The following SGCZ variants were observed in gnomAD, a reference collection of about 807,000 sequenced individuals.
SGCZ encodes zeta-sarcoglycan.
A neutral mutation model predicts 41.3 loss-of-function variants in SGCZ; 40 were observed. That is an observed-to-expected ratio of 0.97 (90% CI 0.75 to 1.26). The LOEUF is 1.26. Among genes scored for constraint, SGCZ ranks in the 50% most tolerant of loss-of-function variants. The probability of loss-of-function intolerance (pLI) is 0.00; values close to 1 mark genes in which losing one functional copy is unlikely to be tolerated. For missense variants in SGCZ, 552 were observed against 369.8 expected, an observed-to-expected ratio of 1.49 and a Z score of -4.04; for synonymous variants, 206 against 137.5, an observed-to-expected ratio of 1.50 and a Z score of -3.49.
chr8:14,487,493 A>G (rs1476532988), intron 2 of SGCZ, among the ~76,000 whole-genome samples: 4 of 134,816 alleles, frequency 3.0e-5, no homozygotes, highest in African/African-American at 1.1e-4. Context: ...TTTGTGCTAT[A>G]CTGTTCCTTC....
intron 1 of SGCZ, among the ~76,000 whole-genome samples, chr8:14,869,958 T>A (rs906264405): frequency 6.6e-6 from 1 of 152,212 alleles, no homozygotes; most frequent in Non-Finnish European, 1.5e-5. Context: ...AAATATTCCA[T>A]GCTCATGGAT....
chr8:14,882,678 G>A (rs1332858025), intron 1 of SGCZ, among the ~76,000 whole-genome samples: 1 of 152,046 alleles, frequency 6.6e-6, no homozygotes, highest in African/African-American at 2.4e-5. Context: ...AAATCCCATT[G>A]TTTGATTACG....
chr8:14,777,119 T>G (rs1800428330), intron 1 of SGCZ, among the ~76,000 whole-genome samples: 1 of 152,186 alleles, frequency 6.6e-6, no homozygotes, highest in Admixed American at 6.5e-5. Context: ...CACTCTGGCT[T>G]AAATTTAGTA....
intron 1 of SGCZ, among the ~76,000 whole-genome samples, chr8:14,916,892 A>C (rs1051919937): frequency 6.6e-6 from 1 of 152,116 alleles, no homozygotes; most frequent in Non-Finnish European, 1.5e-5. Context: ...GTTATTTATG[A>C]ATTTTTTTTG....
At chr8:15,082,396 A>C (rs575615473) in intron 1 of SGCZ, among the ~76,000 whole-genome samples, 1 of 149,780 alleles carries the variant, frequency 6.7e-6, no homozygotes, top group African/African-American at 2.4e-5. Context: ...ATATATATAT[A>C]CACACATATA....
At chr8:14,125,372 C>T (rs572321969) in intron 5 of SGCZ, among the ~76,000 whole-genome samples, 76 of 151,892 alleles carry the variant, frequency 5.0e-4, no homozygotes, top group African/African-American at 1.4e-3. Flanking sequence ...CGTATGGTGG[C>T]GGGCGCCTGT....
chr8:14,950,244 G>A (rs1800589099), intron 1 of SGCZ, among the ~76,000 whole-genome samples: 1 of 151,954 alleles, frequency 6.6e-6, no homozygotes, highest in Non-Finnish European at 1.5e-5. Flanking sequence ...GGTCTTTACG[G>A]GAAACAATAA....
At chr8:14,350,343 A>G (rs900420761) in intron 2 of SGCZ, among the ~76,000 whole-genome samples, 1 of 152,090 alleles carries the variant, frequency 6.6e-6, no homozygotes, top group Non-Finnish European at 1.5e-5. Context: ...TAATCTTAAG[A>G]AGCAAATATA....
chr8:15,075,344 C>T (rs1805492010), intron 1 of SGCZ, among the ~76,000 whole-genome samples: 1 of 152,062 alleles, frequency 6.6e-6, no homozygotes, highest in Admixed American at 6.5e-5. Flanking sequence ...TTTAAATTCC[C>T]AAATGGCATT....
chr8:15,068,871 G>T (rs1805249148), intron 1 of SGCZ, among the ~76,000 whole-genome samples: 1 of 152,122 alleles, frequency 6.6e-6, no homozygotes, highest in Non-Finnish European at 1.5e-5. Flanking sequence ...ATTTATTTGA[G>T]TCCAACATTT....
chr8:14,154,106 C>A (rs1043973392), intron 5 of SGCZ, among the ~76,000 whole-genome samples: 26 of 152,124 alleles, frequency 1.7e-4, no homozygotes, highest in African/African-American at 6.0e-4. Context: ...CCCGGTGGCT[C>A]ATGCCTGTAA....
At chr8:14,255,351 G>A (rs374918064) in intron 3 of SGCZ, among the ~76,000 whole-genome samples, 3 of 152,182 alleles carry the variant, frequency 2.0e-5, no homozygotes, top group African/African-American at 7.2e-5. Flanking sequence ...CTGCTCATTC[G>A]AAGATGTTTT....
At chr8:15,217,979 G>A (rs1742730970) in intron 1 of SGCZ, among the ~76,000 whole-genome samples, 1 of 152,066 alleles carries the variant, frequency 6.6e-6, no homozygotes, top group South Asian at 2.1e-4. Context: ...CCAGCTGCTG[G>A]GGAGGCCGAG....
intron 4 of SGCZ, among the ~76,000 whole-genome samples, chr8:14,181,013 C>T (rs1804706666): frequency 6.6e-6 from 1 of 152,112 alleles, no homozygotes; most frequent in Non-Finnish European, 1.5e-5. Flanking sequence ...AGAGTCGATA[C>T]CGTTTGCAAG....
At chr8:14,787,821 G>A (rs906334787) in intron 1 of SGCZ, among the ~76,000 whole-genome samples, 9 of 151,792 alleles carry the variant, frequency 5.9e-5, no homozygotes, top group African/African-American at 2.2e-4. Flanking sequence ...ACTCCAGCCT[G>A]GACAACAACA....
intron 3 of SGCZ, among the ~76,000 whole-genome samples, chr8:14,291,391 G>C (rs1173062718): frequency 6.6e-6 from 1 of 151,976 alleles, no homozygotes; most frequent in Non-Finnish European, 1.5e-5. Context: ...TATACATGTA[G>C]TAGTGCATAA....
chr8:15,169,891 G>A (rs748777759), intron 1 of SGCZ, among the ~76,000 whole-genome samples: 56 of 152,228 alleles, frequency 3.7e-4, no homozygotes, highest in Non-Finnish European at 6.3e-4. Flanking sequence ...ACCATACCTA[G>A]GATTTAAGTA....
intron 2 of SGCZ, among the ~76,000 whole-genome samples, chr8:14,454,724 C>A (rs1379008210): frequency 1.3e-5 from 2 of 152,132 alleles, no homozygotes; most frequent in Non-Finnish European, 2.9e-5. Context: ...TCTAAGAAGA[C>A]TCATGTGCAA....
chr8:14,298,021 G>T (rs1245813004), intron 3 of SGCZ, among the ~76,000 whole-genome samples: 1 of 151,846 alleles, frequency 6.6e-6, no homozygotes, highest in African/African-American at 2.4e-5. Context: ...GATCAAGTGG[G>T]ATTTATCCTA....
Sources: allele counts gnomAD v4.1 joint callset (sites outside exome capture counted in the v4.1 genomes callset), GRCh38; gene constraint gnomAD v4.1.1; transcripts MANE v1.5; gene names NCBI Gene and HGNC (gene_info 2026-07-23, HGNC 2026-07-21).